The following SRCIN1 variants were observed in gnomAD, a reference collection of about 807,000 sequenced individuals.
SRCIN1 encodes SRC kinase signaling inhibitor 1, also known as P130Cas-associated protein.
In SRCIN1, 50 loss-of-function variants were observed where a neutral mutation model predicts 116.2. The ratio of observed to expected loss-of-function variants is 0.43; its 90% confidence interval spans 0.34 to 0.54. SRCIN1 has a LOEUF of 0.54. SRCIN1 is among the 20% of genes least tolerant of loss of function. SRCIN1 has a pLI of 0.02. For missense variants in SRCIN1, 1,446 were observed against 1,672.0 expected (o/e 0.86, Z 2.36); for synonymous variants, 736 against 750.0 (o/e 0.98, Z 0.30).
chr17:38,543,761 G>A, intron 18 of SRCIN1, 62 bp downstream of exon 18: 1 of 1,568,578 alleles, frequency 6.4e-7, no homozygotes, highest in Non-Finnish European at 8.6e-7. Context: ...GATGCCCAGT[G>A]GGGCAGGGGC....
At chr17:38,594,491 T>C (rs1265776121) in intron 1 of SRCIN1, among the ~76,000 whole-genome samples, 1 of 151,792 alleles carries the variant, frequency 6.6e-6, no homozygotes, top group Non-Finnish European at 1.5e-5. Context: ...AACCTGAAAA[T>C]AGCCCCTCTC....
At chr17:38,576,257 T>C (rs984730935) in intron 2 of SRCIN1, among the ~76,000 whole-genome samples, 1 of 152,076 alleles carries the variant, frequency 6.6e-6, no homozygotes, top group South Asian at 2.1e-4. Context: ...ACCCATGAAA[T>C]TGGCCATTAC....
Position 38,560,424 on chromosome 17 carries a change from C to T in SRCIN1, c.1702G>A (p.Glu568Lys). ...PVPAKDTETR[E>K]RMEAMEKQIA... ...TGCTTCTCCATGGCCTCCATGCGCTCCCTGGGGAGGAAGGGGGTCTGGGCA... is the reference window on the plus strand; with the variant it reads ...TGCTTCTCCATGGCCTCCATGCGCTTCCTGGGGAGGAAGGGGGTCTGGGCA... The change falls in exon 8 of 19, where the codon GAG becomes AAG. Residue 568 changes from glutamate (E) to lysine (K), a missense_variant and splice_region_variant. Physicochemically the swap from Glu to Lys is moderately conservative, Grantham distance 56 (BLOSUM62 1). Coordinates refer to ENST00000617146, the MANE Select transcript of SRCIN1 (RefSeq NM_025248.3). 1.2e-6 allele frequency: 2 copies of T among 1,609,764 alleles called. No homozygotes were observed. Among genetic ancestry groups the T allele is most frequent in the Non-Finnish European group, 1.7e-6 (2 of 1,178,038 alleles).
At position 38,562,180 on chromosome 17, in the gene SRCIN1, G is replaced by A; in HGVS notation, c.983C>T (p.Ser328Leu). The change falls in exon 7 of 19, where the codon TCG becomes TTG. Residue 328 changes from serine to leucine, a missense_variant. Ser to Leu is a moderately radical substitution (Grantham distance 145). This residue lies in a region of SRCIN1 where 239 missense variants were observed against 317.7 expected (regional missense o/e 0.75). Transcript: ENST00000617146. This position sits in a 1 kb window ranked among gnomAD's most constrained non-coding sequence, Gnocchi z 4.2. The part of the protein sequence containing the change: ...SGLQSGSPSR[S>L]RLSYAGGRPP... Reference sequence around the variant, plus strand: ...GCGCCCCCCGGCGTACGATAGGCGCGAACGCGACGGCGAACCGGACTGCAG... The same window carrying A: ...GCGCCCCCCGGCGTACGATAGGCGCAAACGCGACGGCGAACCGGACTGCAG... 1 of 1,388,852 alleles carries A rather than the reference G, an allele frequency of 7.2e-7. No homozygotes were observed. Among genetic ancestry groups the A allele is most frequent in the East Asian group, 3.1e-5 (1 of 32,624 alleles). 86.0% of individuals were successfully genotyped at this position (1,388,852 alleles called of 1,614,324 possible).
intron 11 of SRCIN1, among the ~76,000 whole-genome samples, chr17:38,553,890 C>T (rs1299311775): frequency 6.6e-6 from 1 of 152,178 alleles, no homozygotes; most frequent in Non-Finnish European, 1.5e-5. Flanking sequence ...CTCTGGACTT[C>T]AACCTCCTCG....
intron 1 of SRCIN1, among the ~76,000 whole-genome samples, chr17:38,597,924 G>C (rs1908808234): frequency 6.6e-6 from 1 of 152,160 alleles, no homozygotes; most frequent in South Asian, 2.1e-4. Flanking sequence ...GTTAAGGAGA[G>C]AGGTGGGTCT....
chr17:38,543,339 T>C (rs1904866007), intron 18 of SRCIN1, among the ~76,000 whole-genome samples: 1 of 151,962 alleles, frequency 6.6e-6, no homozygotes, highest in Non-Finnish European at 1.5e-5. Context: ...GAGACCAGGA[T>C]GAGAGTGGGG....
Position 38,558,167 on chromosome 17 carries a change from A to G in SRCIN1, c.2201+60T>C. 6.4e-7 allele frequency: 1 copy of G among 1,573,356 alleles called. No homozygotes were observed. The highest frequency in any genetic ancestry group is 8.7e-7 in the Non-Finnish European group (1 of 1,154,700). On this transcript the variant is annotated intron_variant, in intron 11 of 18. Coordinates refer to ENST00000617146, the MANE Select transcript of SRCIN1 (RefSeq NM_025248.3). This position sits in a 1 kb window ranked among gnomAD's most constrained non-coding sequence, Gnocchi z 4.6. Reference sequence around the variant, plus strand: ...GGGAGCTGCGCCTCCCAGGGAAACCAGGTTGCGGGTCACTCCAGCCGCACC... The same window carrying G: ...GGGAGCTGCGCCTCCCAGGGAAACCGGGTTGCGGGTCACTCCAGCCGCACC...
At chr17:38,550,764 A>T (rs1052115760) in intron 15 of SRCIN1, among the ~76,000 whole-genome samples, 1 of 152,072 alleles carries the variant, frequency 6.6e-6, no homozygotes, top group African/African-American at 2.4e-5. Context: ...GATTTCTGCC[A>T]CTCCCGGGAC....
At position 38,572,402 on chromosome 17, in the gene SRCIN1, C is replaced by T. The variant is rs1250189158; in HGVS notation, c.325-4171G>A. 1.3e-5 allele frequency among the ~76,000 whole-genome samples: 2 copies of T among 152,016 alleles called. No homozygotes were observed. The highest frequency in any genetic ancestry group is 1.3e-4 in the Admixed American group (2 of 15,282). On this transcript the variant is annotated intron_variant, in intron 2 of 18. Transcript: ENST00000617146. This position sits in a 1 kb window ranked among gnomAD's most constrained non-coding sequence, Gnocchi z 4.3. ...TGCTGTGGGACGCTGGGGAAGAGGG[C>T]GCACCCCGGGAAGGTCATGACTTTC...
rs2144906316 is a variant in SRCIN1 at position 38,544,316 on chromosome 17, A to T, written c.3271-347T>A. Among the ~76,000 whole-genome samples the T allele has an allele frequency of 6.6e-6, 1 of 152,198 alleles. No homozygotes were observed. The highest frequency in any genetic ancestry group is 3.4e-3 in the Middle Eastern group (1 of 294). On this transcript the variant is annotated intron_variant, in intron 17 of 18. Transcript: ENST00000617146. This position sits in a 1 kb window ranked among gnomAD's most constrained non-coding sequence, Gnocchi z 4.5. ...CCCAGCAGCAACCCCACTCCCGGCA[A>T]GGGGCACCATCTGGACCTGGGTGCA...
rs1447373204 is a variant in SRCIN1 at position 38,551,898 on chromosome 17, A to G, written c.2715T>C (p.Ala905=). The G allele has an allele frequency of 3.7e-6, 6 of 1,613,822 alleles. No homozygotes were observed. The highest frequency in any genetic ancestry group is 5.1e-6 in the Non-Finnish European group (6 of 1,179,902). ...CTGGCCCCAGCACCTCAACAGACAC[A>G]GCTTTGTCCACGCTTCTCTTGCCAG... is the stretch of plus-strand genomic sequence containing the variant. ...DTPGKRSVDK[A]VSVEAAERDW... is the part of the protein sequence containing the mutation. Residue 905 remains alanine (A), a synonymous_variant, in exon 14 of 19, where the codon GCT becomes GCC. Coordinates refer to ENST00000617146, the MANE Select transcript of SRCIN1 (RefSeq NM_025248.3).
intron 1 of SRCIN1, among the ~76,000 whole-genome samples, chr17:38,584,558 A>G (rs529194191): frequency 2.8e-4 from 43 of 152,368 alleles, no homozygotes; most frequent in East Asian, 1.2e-3. Context: ...GGAGGACGGC[A>G]CAGGTGCTTG....
rs200220174 is a variant in SRCIN1 at position 38,558,425 on chromosome 17, G to A, written c.2026-23C>T. 196 of 1,571,850 alleles carry A rather than the reference G, an allele frequency of 1.2e-4. No homozygotes were observed. In the African/African-American group the frequency reaches 2.3e-3, roughly 18 times the overall value. ...TAGCTGCGGGACGCACGGACGGATG[G>A]ACCCGGGTGGGGGGAGCGGAGCCGC... On this transcript the variant is annotated intron_variant, in intron 10 of 18. Transcript: ENST00000617146. The surrounding 1 kb of genome is among the most constrained non-coding windows in gnomAD (Gnocchi z 4.6).
chr17:38,581,705 G>A (rs1044547208), intron 1 of SRCIN1, among the ~76,000 whole-genome samples: 1 of 152,178 alleles, frequency 6.6e-6, no homozygotes, highest in Non-Finnish European at 1.5e-5. Context: ...AGTGAGACTG[G>A]GAACACTGGG....
Position 38,551,209 on chromosome 17 carries a change from G to A in SRCIN1, c.2908C>T (p.Pro970Ser), listed in dbSNP as rs780565133. Reference protein sequence around the residue: ...PTPDHKPPKAPHGQKAAPRTE... With the variant: ...PTPDHKPPKASHGQKAAPRTE... ...CGGGGGGCTGCCTTCTGGCCGTGGG[G>A]GGCCTTGGGGGGCTTGTGATCTGGA... The change falls in exon 15 of 19, where the codon CCC (proline) becomes TCC (serine). Residue 970 changes from proline (P) to serine (S), a missense_variant. This residue lies in a region of SRCIN1 where 531 missense variants were observed against 633.9 expected (regional missense o/e 0.84). Coordinates refer to ENST00000617146, the MANE Select transcript of SRCIN1 (RefSeq NM_025248.3). The A allele has an allele frequency of 1.2e-6, 2 of 1,600,690 alleles. No individual in the cohort carries two copies. Among genetic ancestry groups the A allele is most frequent in the East Asian group, 4.5e-5 (2 of 44,722 alleles).
At chr17:38,536,067 C>A (rs773042371) in intron 18 of SRCIN1, among the ~76,000 whole-genome samples, 1 of 152,264 alleles carries the variant, frequency 6.6e-6, no homozygotes, top group Non-Finnish European at 1.5e-5. Context: ...CTCCCCCCAA[C>A]AGCCAGTGCA....
upstream of SRCIN1, among the ~76,000 whole-genome samples, chr17:38,606,139 GGC>G (rs1205732670): frequency 2.0e-5 from 3 of 151,342 alleles, no homozygotes; most frequent in African/African-American, 7.3e-5. This position sits in a 1 kb window ranked among gnomAD's most constrained non-coding sequence, Gnocchi z 5.2. Flanking sequence ...GCCGGGGCCG[GGC>G]GCGGGGCGCG....
intron 2 of SRCIN1, among the ~76,000 whole-genome samples, chr17:38,573,425 A>G (rs1212020863): frequency 2.0e-5 from 3 of 152,232 alleles, no homozygotes; most frequent in Non-Finnish European, 2.9e-5. Context: ...CCTTAGGGGC[A>G]GGGAGTGTGA....
Sources: gnomAD v4.1 joint callset for allele counts (sites outside exome capture counted in the v4.1 genomes callset) on GRCh38, gnomAD v4.1.1 for gene constraint, gnomAD v4.1.1 regional missense constraint, Gnocchi (gnomAD v3.1) non-coding constraint, MANE v1.5 for transcripts, NCBI Gene and HGNC (gene_info 2026-07-23, HGNC 2026-07-21) for gene names.